Variants in SLC22A14 observed in about 807,000 individuals in gnomAD.
SLC22A14 encodes organic cation transporter-like 4.
Under a neutral mutation model 53.9 loss-of-function variants are expected in SLC22A14, and 50 were observed. The ratio of observed to expected loss-of-function variants is 0.93; its 90% CI spans 0.74 to 1.17. SLC22A14 has a LOEUF of 1.17. SLC22A14 is among the 50% of genes most tolerant of loss of function. The pLI, the probability that SLC22A14 is intolerant of heterozygous loss-of-function variation, is 0.00. For synonymous variants in SLC22A14, 312 were observed against 303.0 expected, an observed-to-expected ratio of 1.03 and a Z score of -0.31; for missense variants, 671 against 734.7, an observed-to-expected ratio of 0.91 and a Z score of 1.00.
rs1422111705 is a variant in SLC22A14, at chr3:38,306,107, A to G, written c.81A>G (p.Gly27=). The G allele has an allele frequency of 6.2e-7, 1 of 1,614,040 alleles. No homozygotes were observed. Among genetic ancestry groups the G allele is most frequent in the Non-Finnish European group, 8.5e-7 (1 of 1,180,016 alleles). The change falls in exon 2 of 11, where the codon GGA becomes GGG. Residue 27 remains glycine (G), a synonymous_variant. Transcript: ENST00000448498. The part of the protein sequence containing the change: ...SRNLNQHEVA[G]HPHSWSLEML... Reference sequence around the variant, plus strand: ...ACTTGAACCAGCATGAGGTAGCAGGACATCCACATTCCTGGTCTCTGGAGA... The same window carrying G: ...ACTTGAACCAGCATGAGGTAGCAGGGCATCCACATTCCTGGTCTCTGGAGA...
At chr3:38,311,216 G>T (rs1177153620) in intron 5 of SLC22A14, among the ~76,000 whole-genome samples, 1 of 152,312 alleles carries the variant, frequency 6.6e-6, no homozygotes, top group South Asian at 2.1e-4. Context: ...TGTTAGCAGT[G>T]AGCACCAATG....
chr3:38,280,196 C>T (rs1190987481), upstream of SLC22A14, among the ~76,000 whole-genome samples: 1 of 152,204 alleles, frequency 6.6e-6, no homozygotes, highest in African/African-American at 2.4e-5. Flanking sequence ...CACTAATCAC[C>T]TGCTAATCTC....
intron 1 of SLC22A14, chr3:38,303,870 A>T (rs1704229003): frequency 6.6e-6 from 1 of 152,090 alleles, no homozygotes; most frequent in Non-Finnish European, 1.5e-5. Flanking sequence ...TGTGCTACCG[A>T]AGCCAGCACC....
rs752710562 is a variant in SLC22A14, at chr3:38,309,066, G to A, written c.888G>A (p.Trp296Ter). 14 of 1,613,972 alleles carry A rather than the reference G, an allele frequency of 8.7e-6. No individual in the cohort carries two copies. The East Asian group carries it at 2.9e-4, about 33-fold the overall frequency. The change falls in exon 5 of 11, where the codon TGG becomes TGA. Residue 296 changes from tryptophan (W) to a stop codon, truncating the protein, a stop_gained. Transcript: ENST00000448498. LOFTEE classifies it high-confidence loss of function. Reference protein sequence around the residue: ...LTGIAYSLPHWQLLFLVGGIL... With the variant: ...LTGIAYSLPH ...GGATCGCCTACAGTCTTCCCCACTGGCAGCTGCTGTTTCTGGTGGGTGGGA... is the reference window on the plus strand; with the variant it reads ...GGATCGCCTACAGTCTTCCCCACTGACAGCTGCTGTTTCTGGTGGGTGGGA...
At chr3:38,306,564 C>T in intron 2 of SLC22A14, 22 bp downstream of exon 2, 3 of 1,589,524 alleles carry the variant, frequency 1.9e-6, no homozygotes, top group Non-Finnish European at 2.6e-6. Flanking sequence ...CATGGGTTGT[C>T]TGTAACTACC....
chr3:38,295,203 C>T (rs1238111088), intron 1 of SLC22A14, among the ~76,000 whole-genome samples: 1 of 152,150 alleles, frequency 6.6e-6, no homozygotes, highest in Non-Finnish European at 1.5e-5. Flanking sequence ...AGATTTAAAT[C>T]CCCTGTTAGG....
chr3:38,307,999 C>T lies in SLC22A14; in HGVS notation c.775+279C>T, dbSNP rs1704357342. ...TCAGAGAATCAGTGCCCTGACTGCC[C>T]TTCCACCTTCATCCTCCTTCCTAAC... On this transcript the variant is annotated intron_variant, in intron 4 of 10. Coordinates refer to ENST00000448498, the MANE Select transcript of SLC22A14 (RefSeq NM_001320033.2). This position sits in a 1 kb window ranked among gnomAD's most constrained non-coding sequence, Gnocchi z 4.4. 2 of 491,002 alleles carry T rather than the reference C, an allele frequency of 4.1e-6. No individual in the cohort carries two copies. Among genetic ancestry groups the T allele is most frequent in the Non-Finnish European group, 7.4e-6 (2 of 269,716 alleles). 30.4% of individuals were successfully genotyped at this position (491,002 alleles called of 1,614,324 possible).
intron 5 of SLC22A14, among the ~76,000 whole-genome samples, chr3:38,310,856 G>T (rs1704449466): frequency 6.6e-6 from 1 of 152,122 alleles, no homozygotes. Flanking sequence ...TGTTGTGGTG[G>T]GCTGCTCCAA....
chr3:38,291,092 TCTC>T (rs1703904034), intron 1 of SLC22A14, among the ~76,000 whole-genome samples: 2 of 152,188 alleles, frequency 1.3e-5, no homozygotes, highest in South Asian at 4.1e-4. Flanking sequence ...CCTTTTTCCT[TCTC>T]CTAATTTTAG....
intron 5 of SLC22A14, among the ~76,000 whole-genome samples, chr3:38,311,199 G>A (rs1704459342): frequency 6.6e-6 from 1 of 152,168 alleles, no homozygotes; most frequent in South Asian, 2.1e-4. Flanking sequence ...AGCCTCTATT[G>A]GTAGGCTGTT....
intron 1 of SLC22A14, among the ~76,000 whole-genome samples, chr3:38,301,961 T>A (rs1043520128): frequency 6.6e-6 from 1 of 151,410 alleles, no homozygotes; most frequent in Non-Finnish European, 1.5e-5. Context: ...CCAGGCACAG[T>A]GGCTCAGGAG....
chr3:38,312,624 G>T (rs569564847), intron 5 of SLC22A14, among the ~76,000 whole-genome samples: 1 of 152,178 alleles, frequency 6.6e-6, no homozygotes, highest in Non-Finnish European at 1.5e-5. Flanking sequence ...AGGGCATGGG[G>T]GCTCTACAGG....
intron 1 of SLC22A14, among the ~76,000 whole-genome samples, chr3:38,293,241 TTTTA>T (rs1259149693): frequency 6.6e-6 from 1 of 152,204 alleles, no homozygotes; most frequent in Non-Finnish European, 1.5e-5. Flanking sequence ...GGACAATCTT[TTTTA>T]AAGTGTTCTT....
intron 1 of SLC22A14, chr3:38,305,631 C>CTGTCAGTGT: frequency 4.1e-5 from 7 of 172,628 alleles, no homozygotes; most frequent in East Asian, 1.6e-4. Context: ...GCCGACGATG[C>CTGTCAGTGT]AGATCTTTGT....
At chr3:38,287,567 G>T (rs1703820315) in intron 1 of SLC22A14, among the ~76,000 whole-genome samples, 1 of 152,010 alleles carries the variant, frequency 6.6e-6, no homozygotes, top group Non-Finnish European at 1.5e-5. Context: ...ATATATTTCT[G>T]GGCTTTCTAT....
In SLC22A14 at chr3:38,308,917, A is replaced by G. The variant is rs747971734; in HGVS notation, c.776-37A>G. 4 of 1,602,288 alleles carry G rather than the reference A, an allele frequency of 2.5e-6. No individual in the cohort carries two copies. The South Asian group carries it at 4.5e-5, about 18-fold the overall frequency. ...TGCAAGGGCAGCCCTGGGGACCCTG[A>G]CGTAACCATGGTTTTGTCCTCTTGG... On this transcript the variant is annotated intron_variant, in intron 4 of 10. Coordinates refer to ENST00000448498, the MANE Select transcript of SLC22A14 (RefSeq NM_001320033.2).
rs574738708 is a variant in SLC22A14 at position 38,308,812 on chromosome 3, A to T, written c.776-142A>T. On this transcript the variant is annotated intron_variant, in intron 4 of 10. Coordinates refer to ENST00000448498, the MANE Select transcript of SLC22A14 (RefSeq NM_001320033.2). ...CCGGGCTCTGAGGGGCTGTCTCTGGACCCAGTGCAGAGACGAGCAGAAGAA... is the reference window on the plus strand; with the variant it reads ...CCGGGCTCTGAGGGGCTGTCTCTGGTCCCAGTGCAGAGACGAGCAGAAGAA... The T allele has an allele frequency of 5.6e-5, 42 of 756,584 alleles. No homozygotes were observed. The Admixed American group carries it at 8.7e-4, about 16-fold the overall frequency. The allele number at this position is 756,584 out of a possible 1,614,324, so 46.9% of individuals were successfully genotyped here.
At chr3:38,310,250 C>T (rs2125889022) in intron 5 of SLC22A14, among the ~76,000 whole-genome samples, 1 of 152,068 alleles carries the variant, frequency 6.6e-6, no homozygotes, top group East Asian at 1.9e-4. Flanking sequence ...TGGTGGCACA[C>T]ACTTGTAGTC....
At chr3:38,300,252 C>T (rs1364034544) in intron 1 of SLC22A14, among the ~76,000 whole-genome samples, 1 of 152,018 alleles carries the variant, frequency 6.6e-6, no homozygotes, top group African/African-American at 2.4e-5. Context: ...CCACCCTGGC[C>T]AATATGGTAA....
Sources: gnomAD v4.1 joint callset for allele counts (sites outside exome capture counted in the v4.1 genomes callset) on GRCh38, gnomAD v4.1.1 for gene constraint, Gnocchi (gnomAD v3.1) non-coding constraint, MANE v1.5 for transcripts, NCBI Gene and HGNC (gene_info 2026-07-23, HGNC 2026-07-21) for gene names.